GRIK4: variants seen among roughly 807,000 people sequenced by gnomAD.
GRIK4 encodes the protein glutamate ionotropic receptor kainate type subunit 4.
In GRIK4, 40 loss-of-function variants were observed where a neutral mutation model predicts 104.9. The observed-to-expected ratio is 0.38, with a 90% confidence interval of 0.30 to 0.50. The LOEUF is 0.50. Among genes scored for constraint, GRIK4 ranks in the 20% least tolerant of loss-of-function variants. The pLI is 0.93. For missense variants in GRIK4, 1,047 were observed against 1,308.1 expected, an observed-to-expected ratio of 0.80 and a Z score of 3.08; for synonymous variants, 485 against 524.9, an observed-to-expected ratio of 0.92 and a Z score of 1.04.
At chr11:120,653,253 TGA>T (rs1284310108) in intron 1 of GRIK4, among the ~76,000 whole-genome samples, 2 of 152,212 alleles carry the variant, frequency 1.3e-5, no homozygotes, top group African/African-American at 4.8e-5. Flanking sequence ...CTCTTTCCAT[TGA>T]GAGAGATGTT....
intron 11 of GRIK4, among the ~76,000 whole-genome samples, chr11:120,895,388 G>A (rs889849284): frequency 3.9e-5 from 6 of 152,064 alleles, no homozygotes; most frequent in Non-Finnish European, 7.3e-5. Flanking sequence ...CCTAAATATA[G>A]CCCCTCCCAG....
chr11:120,864,787 A>G (rs939161173), intron 9 of GRIK4, among the ~76,000 whole-genome samples: 7 of 152,342 alleles, frequency 4.6e-5, no homozygotes, highest in African/African-American at 1.7e-4. Context: ...GTAAGGATCC[A>G]GCACAAAGGC....
At chr11:120,609,955 T>G (rs1363484336) in intron 1 of GRIK4, among the ~76,000 whole-genome samples, 1 of 152,186 alleles carries the variant, frequency 6.6e-6, no homozygotes, top group Admixed American at 6.5e-5. Flanking sequence ...TCACTTCCCC[T>G]CTCCGAGCCC....
intron 19 of GRIK4, among the ~76,000 whole-genome samples, chr11:120,974,726 C>T (rs1431886731): frequency 6.6e-6 from 1 of 152,128 alleles, no homozygotes; most frequent in Non-Finnish European, 1.5e-5. Context: ...GCTTCCTCGC[C>T]CCCTCTGACT....
intron 3 of GRIK4, among the ~76,000 whole-genome samples, chr11:120,747,923 G>A (rs1951473859): frequency 6.6e-6 from 1 of 152,216 alleles, no homozygotes; most frequent in Admixed American, 6.5e-5. Context: ...AAGATTCAGG[G>A]TGAGGGCCGT....
intron 1 of GRIK4, among the ~76,000 whole-genome samples, chr11:120,542,032 A>G (rs551651248): frequency 5.9e-5 from 9 of 152,346 alleles, no homozygotes; most frequent in African/African-American, 1.9e-4. Flanking sequence ...AAAGTTGGAG[A>G]CATCATACTT....
intron 7 of GRIK4, among the ~76,000 whole-genome samples, chr11:120,835,086 A>G (rs1484431766): frequency 1.3e-5 from 2 of 152,146 alleles, no homozygotes. Context: ...AGGAAGAAGG[A>G]GCCTCACCAA....
chr11:120,831,779 T>C, intron 6 of GRIK4, 73 bp from the exon 7 acceptor site: 1 of 1,215,880 alleles, frequency 8.2e-7, no homozygotes, highest in South Asian at 1.4e-5. Context: ...CTCCGTGCCT[T>C]CCTGCTTCTG....
chr11:120,611,722 C>T (rs1591737713), intron 1 of GRIK4, among the ~76,000 whole-genome samples: 1 of 152,170 alleles, frequency 6.6e-6, no homozygotes, highest in South Asian at 2.1e-4. Context: ...GTTTGCTTGT[C>T]TCTCTCCCCC....
At chr11:120,793,561 G>A (rs1047528118) in intron 3 of GRIK4, among the ~76,000 whole-genome samples, 2 of 152,206 alleles carry the variant, frequency 1.3e-5, no homozygotes, top group Admixed American at 6.5e-5. Flanking sequence ...TTTAACCAGT[G>A]TGTGAGCTGA....
Position 120,953,814 on chromosome 11 carries a change from G to C in GRIK4, c.1700+850G>C, listed in dbSNP as rs969840309. Among the ~76,000 whole-genome samples, 1 of 152,222 alleles carries C rather than the reference G, an allele frequency of 6.6e-6. No homozygotes were observed. The highest frequency in any genetic ancestry group is 1.5e-5 in the Non-Finnish European group (1 of 68,032). ...CTCCAGAAGTGGGATGAGCCCTGGT[G>C]GCTCCCAGGCCACTCACTCAGGTCC... On this transcript the variant is annotated intron_variant, in intron 15 of 20. Coordinates refer to ENST00000527524, the MANE Select transcript of GRIK4 (RefSeq NM_014619.5). The surrounding 1 kb of genome is among the most constrained non-coding windows in gnomAD (Gnocchi z 4.9).
chr11:120,778,209 C>T (rs1952080389), intron 3 of GRIK4, among the ~76,000 whole-genome samples: 1 of 152,212 alleles, frequency 6.6e-6, no homozygotes, highest in Admixed American at 6.5e-5. Flanking sequence ...GTCAATTTCA[C>T]GTCCCCACTG....
In GRIK4 at chr11:120,966,219, G is replaced by A. The variant is rs948485169; in HGVS notation, c.2267-976G>A. Among the ~76,000 whole-genome samples the A allele has an allele frequency of 2.0e-5, 3 of 152,274 alleles. No individual in the cohort carries two copies. The East Asian group carries it at 5.8e-4, about 29-fold the overall frequency. On this transcript the variant is annotated intron_variant, in intron 18 of 20. Coordinates refer to ENST00000527524, the MANE Select transcript of GRIK4 (RefSeq NM_014619.5). Reference sequence around the variant, plus strand: ...GTGATGGACAGGCCAGTGGGTTCTCGTGCACTCAGCAGGCAGTGCTGAGAG... The same window carrying A: ...GTGATGGACAGGCCAGTGGGTTCTCATGCACTCAGCAGGCAGTGCTGAGAG...
intron 1 of GRIK4, among the ~76,000 whole-genome samples, chr11:120,590,730 C>T (rs1180854515): frequency 1.3e-5 from 2 of 152,154 alleles, no homozygotes; most frequent in Non-Finnish European, 2.9e-5. Context: ...CAGCTTCTGC[C>T]ACAGGGTCCT....
At chr11:120,575,580 G>A (rs147604260) in intron 1 of GRIK4, among the ~76,000 whole-genome samples, 1,658 of 152,200 alleles carry the variant, frequency 0.011, 9 homozygotes, top group Middle Eastern at 0.02. Context: ...GGTTTGGGGT[G>A]TGTGCGTGGG....
chr11:120,861,672 C>T (rs1954266060), intron 8 of GRIK4, among the ~76,000 whole-genome samples: 3 of 152,184 alleles, frequency 2.0e-5, no homozygotes, highest in Admixed American at 2.0e-4. Flanking sequence ...GTGCCTAGTG[C>T]TGCCCCCACT....
intron 1 of GRIK4, among the ~76,000 whole-genome samples, chr11:120,538,904 G>A (rs1948004748): frequency 6.6e-6 from 1 of 152,236 alleles, no homozygotes; most frequent in Non-Finnish European, 1.5e-5. Flanking sequence ...AAGGCCTAGT[G>A]TCCTTGCTGA....
At chr11:120,784,488 T>C (rs1163848465) in intron 3 of GRIK4, among the ~76,000 whole-genome samples, 2 of 152,182 alleles carry the variant, frequency 1.3e-5, no homozygotes, top group African/African-American at 4.8e-5. Flanking sequence ...GCTCCCTTGG[T>C]ACTTGCCAGT....
chr11:120,621,084 G>C (rs981095661), intron 1 of GRIK4, among the ~76,000 whole-genome samples: 1 of 152,158 alleles, frequency 6.6e-6, no homozygotes, highest in African/African-American at 2.4e-5. Flanking sequence ...ACAAAGACTC[G>C]TGTACCCTGG....
Sources: gnomAD v4.1 joint callset for allele counts (sites outside exome capture counted in the v4.1 genomes callset) on GRCh38, gnomAD v4.1.1 for gene constraint, Gnocchi (gnomAD v3.1) non-coding constraint, MANE v1.5 for transcripts, NCBI Gene and HGNC (gene_info 2026-07-23, HGNC 2026-07-21) for gene names.